PDE12: variants seen among roughly 807,000 people sequenced by gnomAD.
PDE12 encodes phosphodiesterase 12, also known as 2',5'-phosphodiesterase 12.
In PDE12, 26 loss-of-function variants were observed where a neutral mutation model predicts 45.4. The ratio of observed to expected loss-of-function variants is 0.57; its 90% CI spans 0.42 to 0.79. The LOEUF is 0.79. Ranked by LOEUF, PDE12 falls within the 30% of genes least tolerant of loss-of-function variation. The pLI, the probability that PDE12 is intolerant of heterozygous loss-of-function variation, is 0.00. For synonymous variants in PDE12, 283 were observed against 323.9 expected, an observed-to-expected ratio of 0.87 and a Z score of 1.36; for missense variants, 668 against 790.0, an observed-to-expected ratio of 0.85 and a Z score of 1.85.
In PDE12 at chr3:57,561,403, A is replaced by G; in HGVS notation, c.*1399A>G. On this transcript the variant is annotated 3_prime_UTR_variant, in exon 3 of 3. Coordinates refer to ENST00000311180, the MANE Select transcript of PDE12 (RefSeq NM_177966.7). The stretch of plus-strand genomic sequence containing the variant: ...AGACAAGCATTATAGTTTGAGTTAC[A>G]GACAACAGTGTGTATATATGTAATA... 1.0e-6 allele frequency: 1 copy of G among 979,992 alleles called. No homozygotes were observed. Among genetic ancestry groups the G allele is most frequent in the Non-Finnish European group, 1.2e-6 (1 of 824,646 alleles). 60.7% of individuals were successfully genotyped at this position (979,992 alleles called of 1,614,324 possible).
At chr3:57,614,808 G>T in the PDE12 span, among the ~76,000 whole-genome samples, 28 of 151,692 alleles carry the variant, frequency 1.8e-4, no homozygotes, top group African/African-American at 6.8e-4. Flanking sequence ...GCCTGACCAA[G>T]ATGATGAAAA....
the PDE12 span, among the ~76,000 whole-genome samples, chr3:57,644,478 G>C: frequency 6.6e-6 from 1 of 150,766 alleles, no homozygotes; most frequent in African/African-American, 2.4e-5. Flanking sequence ...GCTAATTTTT[G>C]TATTTTTTTT....
the PDE12 span, among the ~76,000 whole-genome samples, chr3:57,632,002 G>A: frequency 1.3e-4 from 19 of 141,378 alleles, no homozygotes; most frequent in Middle Eastern, 8.9e-3. Flanking sequence ...GATTACAGGC[G>A]TGAGCCACCG....
At chr3:57,599,111 A>G in the PDE12 span, among the ~76,000 whole-genome samples, 1 of 152,336 alleles carries the variant, frequency 6.6e-6, no homozygotes, top group African/African-American at 2.4e-5. Flanking sequence ...ACATCAATCA[A>G]TATATGTAAG....
At chr3:57,583,808 C>A in the PDE12 span, 1 of 885,972 alleles carries the variant, frequency 1.1e-6, no homozygotes, top group Admixed American at 2.5e-5. Flanking sequence ...ATAGTAAACA[C>A]CAATATCCAA....
At chr3:57,626,958 A>C in the PDE12 span, 1 of 152,240 alleles carries the variant, frequency 6.6e-6, no homozygotes, top group Non-Finnish European at 1.5e-5. Context: ...CCAAACAAAT[A>C]ATGCCAGAAA....
chr3:57,614,523 GTTTTTTTTTTTTTGTTTTTTGTTT>G, the PDE12 span, among the ~76,000 whole-genome samples: 5 of 132,028 alleles, frequency 3.8e-5, no homozygotes, highest in African/African-American at 1.1e-4. Flanking sequence ...CCTGTAATCC[GTTTTTTTTTTTTTGTTTTTTGTTT>G]TTTTTTTTTT....
chr3:57,618,451 C>T, the PDE12 span, among the ~76,000 whole-genome samples: 4 of 151,934 alleles, frequency 2.6e-5, no homozygotes, highest in South Asian at 2.1e-4. Context: ...GAGACAGGGT[C>T]TCACTCTGTT....
At chr3:57,582,391 C>T in the PDE12 span, among the ~76,000 whole-genome samples, 36 of 151,590 alleles carry the variant, frequency 2.4e-4, no homozygotes, top group East Asian at 2.7e-3. Context: ...CACAGGTGCG[C>T]GCCACCACGC....
At chr3:57,615,462 AAG>A in the PDE12 span, among the ~76,000 whole-genome samples, 4 of 152,254 alleles carry the variant, frequency 2.6e-5, no homozygotes, top group African/African-American at 4.8e-5. Context: ...TAACTAAAAA[AAG>A]AGAGAGAAAA....
the PDE12 span, among the ~76,000 whole-genome samples, chr3:57,656,055 G>A: frequency 3.9e-5 from 6 of 152,150 alleles, no homozygotes; most frequent in African/African-American, 1.4e-4. Flanking sequence ...GCCATAACAT[G>A]TACTTTTTAA....
chr3:57,575,755 G>T, the PDE12 span: 1 of 1,358,826 alleles, frequency 7.4e-7, no homozygotes, highest in Non-Finnish European at 9.8e-7. Context: ...ACTTTACTCA[G>T]CATTAAATAC....
At chr3:57,598,954 T>C in the PDE12 span, among the ~76,000 whole-genome samples, 3 of 152,146 alleles carry the variant, frequency 2.0e-5, no homozygotes, top group Non-Finnish European at 4.4e-5. Context: ...ACCCCCAAAA[T>C]ATGAGACAGG....
In PDE12 at chr3:57,559,917, T is replaced by C; in HGVS notation, c.1743T>C (p.His581=). The change falls in exon 3 of 3, where the codon CAT becomes CAC. Residue 581 remains histidine (H), a synonymous_variant. Transcript: ENST00000311180. ...EVEQVIPLPS[H]EEVTTHQALP... is the part of the protein sequence containing the mutation. Reference sequence around the variant, plus strand: ...AACAGGTGATTCCATTACCTAGTCATGAAGAAGTTACCACCCACCAGGCCT... The same window carrying C: ...AACAGGTGATTCCATTACCTAGTCACGAAGAAGTTACCACCCACCAGGCCT... The C allele has an allele frequency of 6.2e-7, 1 of 1,613,992 alleles. No homozygotes were observed. Among genetic ancestry groups the C allele is most frequent in the South Asian group, 1.1e-5 (1 of 91,092 alleles).
At position 57,557,678 on chromosome 3, in the gene PDE12, T is replaced by C. The variant is rs752712286; in HGVS notation, c.1299T>C (p.Ser433=). 6.2e-7 allele frequency: 1 copy of C among 1,613,522 alleles called. No individual in the cohort carries two copies. The highest frequency in any genetic ancestry group is 8.5e-7 in the Non-Finnish European group (1 of 1,179,682). The change falls in exon 1 of 3, where the codon TCT becomes TCC. Residue 433 remains serine (S), a synonymous_variant. Coordinates refer to ENST00000311180, the MANE Select transcript of PDE12 (RefSeq NM_177966.7). The stretch of plus-strand genomic sequence containing the variant: ...AGGAGAAGGTGCTCCAGAGATCTTC[T>C]GTTCTTCAGGTAAAGTAGTTCCGCC... ...SAQEKVLQRS[S]VLQVSVLQST... is the part of the protein sequence containing the mutation.
chr3:57,585,134 G>C, the PDE12 span, among the ~76,000 whole-genome samples: 7 of 152,190 alleles, frequency 4.6e-5, no homozygotes, highest in East Asian at 1.4e-3. Context: ...AATGTGCTGG[G>C]ATTACAAGCG....
chr3:57,631,082 C>A, the PDE12 span: 2 of 922,634 alleles, frequency 2.2e-6, no homozygotes, highest in Non-Finnish European at 3.3e-6. Flanking sequence ...TATGCCCTTT[C>A]AATGGACAGC....
chr3:57,628,068 A>T, the PDE12 span: 1 of 1,202,248 alleles, frequency 8.3e-7, no homozygotes, highest in Non-Finnish European at 1.1e-6. Flanking sequence ...GTCTGTTTAT[A>T]CAATACAGTC....
At chr3:57,631,286 C>A in the PDE12 span, 1 of 221,948 alleles carries the variant, frequency 4.5e-6, no homozygotes, top group Non-Finnish European at 8.8e-6. Context: ...AACCTCTGCC[C>A]CCCGGGTTCA....
Sources: allele counts gnomAD v4.1 joint callset (sites outside exome capture counted in the v4.1 genomes callset), GRCh38; gene constraint gnomAD v4.1.1; transcripts MANE v1.5; gene names NCBI Gene and HGNC (gene_info 2026-07-23, HGNC 2026-07-21).